The following GSTA3 variants were observed in gnomAD, a reference collection of about 807,000 sequenced individuals.
GSTA3 encodes the protein glutathione S-transferase alpha 3, also known as glutathione S-transferase A3.
A neutral mutation model predicts 23.1 loss-of-function variants in GSTA3; 16 were observed. The observed-to-expected ratio is 0.69, with a 90% CI of 0.47 to 1.05. GSTA3 has a LOEUF of 1.05. Ranked by LOEUF, GSTA3 falls within the 50% of genes least tolerant of loss-of-function variation. The pLI, the probability that GSTA3 is intolerant of heterozygous loss-of-function variation, is 0.00. For synonymous variants in GSTA3, 122 were observed against 91.0 expected (o/e 1.34, Z -1.94); for missense variants, 319 against 263.6 (o/e 1.21, Z -1.46).
chr6:52,905,945 G>T (rs550361719), intron 1 of GSTA3, 90 bp from the exon 2 acceptor site: 8 of 594,096 alleles, frequency 1.3e-5, no homozygotes, highest in African/African-American at 1.3e-4. Context: ...TGAACAACAG[G>T]AGTGTCTTCC....
chr6:52,902,185 T>C (rs512795), intron 4 of GSTA3, among the ~76,000 whole-genome samples, 161 bp downstream of exon 4: 40,860 of 152,068 alleles, frequency 0.27, 9,430 homozygotes, highest in African/African-American at 0.6. Flanking sequence ...GTTCACTGTT[T>C]CCTCATCCCC....
At chr6:52,908,902 C>T (rs1386199400) in intron 1 of GSTA3, among the ~76,000 whole-genome samples, 1 of 151,742 alleles carries the variant, frequency 6.6e-6, no homozygotes, top group African/African-American at 2.4e-5. Context: ...ACCCTTTGGT[C>T]CCAGATACTT....
At chr6:52,899,740 T>G (rs1054647262) in intron 5 of GSTA3, among the ~76,000 whole-genome samples, 194 bp downstream of exon 5, 12 of 152,172 alleles carry the variant, frequency 7.9e-5, no homozygotes, top group African/African-American at 2.7e-4. Flanking sequence ...TGCTGGAAAA[T>G]TATAACTTGG....
intron 3 of GSTA3, 44 bp downstream of exon 3, chr6:52,903,623 GTACCTTCTC>G: frequency 1.1e-6 from 1 of 933,474 alleles, no homozygotes; most frequent in Non-Finnish European, 1.7e-6. Flanking sequence ...ATCTTCAGCG[GTACCTTCTC>G]TACTAGATAC....
At chr6:52,904,155 T>G (rs1561955810) in intron 2 of GSTA3, among the ~76,000 whole-genome samples, 1 of 152,096 alleles carries the variant, frequency 6.6e-6, no homozygotes, top group East Asian at 1.9e-4. Context: ...TCCAGCTAAT[T>G]TTTTATTTCT....
rs371527521 is a variant in GSTA3 at position 52,897,993 on chromosome 6, G to A, written c.415-37C>T. 146 of 1,612,230 alleles carry A rather than the reference G, an allele frequency of 9.1e-5. No homozygotes were observed. In the Admixed American group the frequency reaches 1.0e-3, roughly 11 times the overall value. ...GAGGAATCAGATCAGGAATACATGCGCACCCAGGATGGGACCCCTGCTTCT... is the reference window on the plus strand; with the variant it reads ...GAGGAATCAGATCAGGAATACATGCACACCCAGGATGGGACCCCTGCTTCT... On this transcript the variant is annotated intron_variant, in intron 5 of 6. Transcript: ENST00000211122.
intron 3 of GSTA3, 49 bp downstream of exon 3, chr6:52,903,627 C>A: frequency 1.0e-6 from 1 of 980,422 alleles, no homozygotes; most frequent in Non-Finnish European, 1.6e-6. Context: ...TCAGCGGTAC[C>A]TTCTCTACTA....
At chr6:52,897,766 A>C (rs1765506221) in intron 6 of GSTA3, 59 bp downstream of exon 6, 2 of 1,595,112 alleles carry the variant, frequency 1.3e-6, no homozygotes, top group Admixed American at 1.7e-5. Flanking sequence ...GGGCCCAGAT[A>C]CTAGATCCCA....
In GSTA3 at chr6:52,897,535, G is replaced by A. The variant is rs560664291; in HGVS notation, c.546+290C>T. ...GGATAAAGGGAATCACAGAACTCAG[G>A]AACAGACCACAGAGGAATGGGGGAG... On this transcript the variant is annotated intron_variant, in intron 6 of 6. Coordinates refer to ENST00000211122, the MANE Select transcript of GSTA3 (RefSeq NM_000847.5). 3.9e-5 allele frequency among the ~76,000 whole-genome samples: 6 copies of A among 152,326 alleles called. No individual in the cohort carries two copies. In the South Asian group the frequency reaches 8.3e-4, roughly 21 times the overall value.
chr6:52,908,027 C>A (rs1765953396), intron 1 of GSTA3, among the ~76,000 whole-genome samples: 1 of 151,772 alleles, frequency 6.6e-6, no homozygotes, highest in Non-Finnish European at 1.5e-5. Context: ...TTATGTCCCC[C>A]ACCCCTCAAA....
intron 4 of GSTA3, 141 bp from the exon 5 acceptor site, chr6:52,900,216 G>T: frequency 1.7e-6 from 1 of 573,652 alleles, no homozygotes; most frequent in Non-Finnish European, 2.9e-6. Flanking sequence ...TAGTCATTAT[G>T]CTCTGATTTT....
At chr6:52,898,749 G>T (rs7755025) in intron 5 of GSTA3, among the ~76,000 whole-genome samples, 1 of 152,024 alleles carries the variant, frequency 6.6e-6, no homozygotes, top group South Asian at 2.1e-4. Context: ...GCAAGGCAAG[G>T]TACTTCTATA....
At chr6:52,903,025 G>T (rs1440336039) in intron 3 of GSTA3, among the ~76,000 whole-genome samples, 1 of 152,124 alleles carries the variant, frequency 6.6e-6, no homozygotes, top group Non-Finnish European at 1.5e-5. Flanking sequence ...ATGTTCTTGT[G>T]TGTCCTTGGA....
At chr6:52,905,897 G>A (rs1765875489) in intron 1 of GSTA3, 42 bp from the exon 2 acceptor site, 1 of 967,126 alleles carries the variant, frequency 1.0e-6, no homozygotes, top group Non-Finnish European at 1.6e-6. Flanking sequence ...GAATGAATGA[G>A]TCTAGAGAAG....
At chr6:52,899,468 T>C in intron 5 of GSTA3, among the ~76,000 whole-genome samples, 1 of 152,220 alleles carries the variant, frequency 6.6e-6, no homozygotes. Flanking sequence ...CCACTGTCAC[T>C]ATCCTTTTAA....
chr6:52,903,383 C>T (rs1027048083), intron 3 of GSTA3, among the ~76,000 whole-genome samples: 2 of 149,560 alleles, frequency 1.3e-5, no homozygotes, highest in Admixed American at 6.8e-5. Context: ...GTCAGGAGAT[C>T]GAGACCATCC....
At position 52,905,873 on chromosome 6, in the gene GSTA3, A is replaced by C. The variant is rs45489497; in HGVS notation, c.-21-18T>G. 7 of 1,184,842 alleles carry C rather than the reference A, an allele frequency of 5.9e-6. No homozygotes were observed. The highest frequency in any genetic ancestry group is 7.5e-6 in the Non-Finnish European group (6 of 798,896). The allele number at this position is 1,184,842 out of a possible 1,614,324, so 73.4% of individuals were successfully genotyped here. On this transcript the variant is annotated intron_variant, in intron 1 of 6. Coordinates refer to ENST00000211122, the MANE Select transcript of GSTA3 (RefSeq NM_000847.5). Reference sequence around the variant, plus strand: ...TGGTTTCTCTAAAATGAATGAATGAATGCATGAATGGATGAATGAATGAGT... The same window carrying C: ...TGGTTTCTCTAAAATGAATGAATGACTGCATGAATGGATGAATGAATGAGT...
rs1194087388 is a variant in GSTA3 at position 52,902,397 on chromosome 6, T to C, written c.221A>G (p.Tyr74Cys). Residue 74 changes from tyrosine (Y) to cysteine (C), a missense_variant, in exon 4 of 7, where the codon TAC (tyrosine) becomes TGC (cysteine). Tyr to Cys is a radical substitution (Grantham distance 194). Transcript: ENST00000211122. ...KLVQTRAILN[Y>C]IASKYNLYGK... ...GTAGAGGTTGTATTTGCTGGCAATGTAGTTGAGAATGGCTCTGGTCTGTAC... is the reference window on the plus strand; with the variant it reads ...GTAGAGGTTGTATTTGCTGGCAATGCAGTTGAGAATGGCTCTGGTCTGTAC... The C allele has an allele frequency of 1.2e-5, 19 of 1,614,060 alleles. No homozygotes were observed. The highest frequency in any genetic ancestry group is 7.7e-5 in the South Asian group (7 of 91,064).
chr6:52,908,803 T>C (rs936526976), intron 1 of GSTA3, among the ~76,000 whole-genome samples: 1 of 152,218 alleles, frequency 6.6e-6, no homozygotes, highest in Non-Finnish European at 1.5e-5. Context: ...AAGAGGGGGT[T>C]ATTATTATTC....
Sources: gnomAD v4.1 joint callset for allele counts (sites outside exome capture counted in the v4.1 genomes callset) on GRCh38, gnomAD v4.1.1 for gene constraint, MANE v1.5 for transcripts, NCBI Gene and HGNC (gene_info 2026-07-23, HGNC 2026-07-21) for gene names.